SLC35E2B: variants seen among roughly 807,000 people sequenced by gnomAD.
The protein encoded by SLC35E2B is solute carrier family 35 member E2B.
In SLC35E2B, 18 loss-of-function variants were observed where a neutral mutation model predicts 32.4. The ratio of observed to expected loss-of-function variants is 0.56; its 90% CI spans 0.38 to 0.82. SLC35E2B has a LOEUF of 0.82. Among genes scored for constraint, SLC35E2B ranks in the 40% least tolerant of loss-of-function variants. The probability of loss-of-function intolerance (pLI) is 0.00; values close to 1 mark genes in which losing one functional copy is unlikely to be tolerated. For synonymous variants in SLC35E2B, 132 were observed against 209.1 expected, an observed-to-expected ratio of 0.63 and a Z score of 3.18; for missense variants, 263 against 469.5, an observed-to-expected ratio of 0.56 and a Z score of 4.06.
intron 2 of SLC35E2B, among the ~76,000 whole-genome samples, chr1:1,682,014 A>G (rs1339230814): frequency 1.8e-5 from 2 of 111,962 alleles, no homozygotes; most frequent in African/African-American, 8.2e-5. Context: ...AAAAAAAAAA[A>G]AAAAAAAAAA....
Position 1,665,557 on chromosome 1 carries a change from GAC to G in SLC35E2B, c.*223_*224del, listed in dbSNP as rs1643519922. 1.5e-6 allele frequency: 1 copy of G among 674,592 alleles called. No homozygotes were observed. The highest frequency in any genetic ancestry group is 2.4e-6 in the Non-Finnish European group (1 of 409,100). 41.8% of individuals were successfully genotyped at this position (674,592 alleles called of 1,614,324 possible). On this transcript the variant is annotated 3_prime_UTR_variant, in exon 10 of 10. Transcript: ENST00000617444. ...ACATTACACGGGGATGGGCTCGGCG[GAC>G]ACAGTCAGCTACTGGTCTGGTCTCT...
At chr1:1,668,956 A>AC (rs1008339007) in intron 8 of SLC35E2B, among the ~76,000 whole-genome samples, 1 of 150,040 alleles carries the variant, frequency 6.7e-6, no homozygotes, top group Non-Finnish European at 1.5e-5. Context: ...GCACCACTGT[A>AC]CCCCAGCCTG....
chr1:1,688,956 G>A (rs932866992), intron 2 of SLC35E2B, among the ~76,000 whole-genome samples: 1 of 151,858 alleles, frequency 6.6e-6, no homozygotes, highest in African/African-American at 2.4e-5. Flanking sequence ...CGCATCACGA[G>A]GTCAGGAGAT....
At chr1:1,675,215 C>A (rs1376558501) in intron 5 of SLC35E2B, among the ~76,000 whole-genome samples, 11 of 96,280 alleles carry the variant, frequency 1.1e-4, no homozygotes, top group Non-Finnish European at 3.7e-4. Flanking sequence ...GTCTCCCCAC[C>A]CAGTTAGGGC....
chr1:1,685,537 T>G (rs927495772), intron 2 of SLC35E2B, among the ~76,000 whole-genome samples: 2 of 151,394 alleles, frequency 1.3e-5, no homozygotes, highest in Non-Finnish European at 2.9e-5. Context: ...CGGCTCCAGG[T>G]CTGACTTTCA....
chr1:1,688,110 G>C (rs982336453), intron 2 of SLC35E2B, among the ~76,000 whole-genome samples: 1 of 151,938 alleles, frequency 6.6e-6, no homozygotes, highest in African/African-American at 2.4e-5. Context: ...ACGTAACACA[G>C]TAAAGGATCA....
intron 2 of SLC35E2B, among the ~76,000 whole-genome samples, chr1:1,677,579 G>A (rs371055359): frequency 1.1e-4 from 17 of 150,284 alleles, no homozygotes; most frequent in Non-Finnish European, 1.8e-4. Flanking sequence ...CCGGGTTCTC[G>A]CCATTCTCCT....
At chr1:1,687,243 C>A (rs972617408) in intron 2 of SLC35E2B, among the ~76,000 whole-genome samples, 3 of 152,102 alleles carry the variant, frequency 2.0e-5, no homozygotes, top group African/African-American at 4.8e-5. Flanking sequence ...ACCTGCACAG[C>A]GCGCTCCCAG....
chr1:1,681,601 GA>G (rs1290286748), intron 2 of SLC35E2B, among the ~76,000 whole-genome samples: 2 of 151,294 alleles, frequency 1.3e-5, no homozygotes, highest in African/African-American at 4.9e-5. Flanking sequence ...CCACTTCTTG[GA>G]TTCAAGGGAT....
At chr1:1,679,245 TC>T (rs1361050730) in intron 2 of SLC35E2B, among the ~76,000 whole-genome samples, 1 of 152,154 alleles carries the variant, frequency 6.6e-6, no homozygotes, top group Non-Finnish European at 1.5e-5. Flanking sequence ...GCCAGTCACG[TC>T]CCACCTGACG....
At chr1:1,687,440 TA>T (rs1389780125) in intron 2 of SLC35E2B, among the ~76,000 whole-genome samples, 1 of 151,118 alleles carries the variant, frequency 6.6e-6, no homozygotes, top group African/African-American at 2.4e-5. Context: ...TAGTCTCTAC[TA>T]AAAAAACAAA....
At position 1,687,029 on chromosome 1, in the gene SLC35E2B, C is replaced by T. The variant is rs1643959560; in HGVS notation, c.-148+3947G>A. Among the ~76,000 whole-genome samples, 4 of 152,248 alleles carry T rather than the reference C, an allele frequency of 2.6e-5. No individual in the cohort carries two copies. The South Asian group carries it at 8.3e-4, about 32-fold the overall frequency. The stretch of plus-strand genomic sequence containing the variant: ...TGAGATCGTGCCACTGCACTCCAGC[C>T]TGGGCCACAGAGTGAGACTCCGTCT... On this transcript the variant is annotated intron_variant, in intron 2 of 9. Transcript: ENST00000617444.
At chr1:1,684,804 A>AC in intron 2 of SLC35E2B, among the ~76,000 whole-genome samples, 1 of 147,858 alleles carries the variant, frequency 6.8e-6, no homozygotes, top group African/African-American at 2.5e-5. Context: ...AAAAAAAAAA[A>AC]AAAAAAAAAA....
In SLC35E2B at chr1:1,688,616, T is replaced by C. The variant is rs1643980782; in HGVS notation, c.-148+2360A>G. ...CTCTGTCCCAGAAAAAAATAAAGCT[T>C]AGAAACAAGAGGCTATGTAGTCTCG... On this transcript the variant is annotated intron_variant, in intron 2 of 9. Transcript: ENST00000617444. Among the ~76,000 whole-genome samples, 5 of 121,188 alleles carry C rather than the reference T, an allele frequency of 4.1e-5. No homozygotes were observed. The East Asian group carries it at 8.0e-4, about 19-fold the overall frequency. The allele number at this position is 121,188 out of a possible 152,430, so 79.5% of individuals were successfully genotyped here.
intron 8 of SLC35E2B, among the ~76,000 whole-genome samples, chr1:1,668,883 C>T (rs940137856): frequency 2.6e-5 from 4 of 151,108 alleles, no homozygotes; most frequent in South Asian, 2.1e-4. Flanking sequence ...CCCAGCTACT[C>T]GGGAGGCTGA....
At chr1:1,667,506 T>C (rs1643578564) in intron 9 of SLC35E2B, among the ~76,000 whole-genome samples, 1 of 152,104 alleles carries the variant, frequency 6.6e-6, no homozygotes, top group African/African-American at 2.4e-5. Flanking sequence ...AGCTGAAGGA[T>C]CCTCCCCGTT....
At chr1:1,671,297 T>C (rs1352457900) in intron 6 of SLC35E2B, 1 of 441,344 alleles carries the variant, frequency 2.3e-6, no homozygotes, top group Non-Finnish European at 3.9e-6. Context: ...GCATTTTAAG[T>C]ACCAAGACCG....
At chr1:1,688,779 G>C (rs189056806) in intron 2 of SLC35E2B, among the ~76,000 whole-genome samples, 1 of 152,050 alleles carries the variant, frequency 6.6e-6, no homozygotes, top group African/African-American at 2.4e-5. Flanking sequence ...AGACGGAGGC[G>C]CAGGGAGGGG....
intron 2 of SLC35E2B, among the ~76,000 whole-genome samples, chr1:1,687,414 T>G (rs1643965399): frequency 6.6e-6 from 1 of 151,488 alleles, no homozygotes; most frequent in African/African-American, 2.4e-5. Context: ...CTGTCTCTAC[T>G]AAAAATACAA....
Sources: gnomAD v4.1 joint callset for allele counts (sites outside exome capture counted in the v4.1 genomes callset) on GRCh38, gnomAD v4.1.1 for gene constraint, MANE v1.5 for transcripts, NCBI Gene and HGNC (gene_info 2026-07-23, HGNC 2026-07-21) for gene names.